The following HDAC9 variants were observed in gnomAD, a reference collection of about 807,000 sequenced individuals.
HDAC9 encodes the protein MEF-2 interacting transcription repressor (MITR) protein.
A neutral mutation model predicts 139.4 loss-of-function variants in HDAC9; 41 were observed. The ratio of observed to expected loss-of-function variants is 0.29; its 90% CI spans 0.23 to 0.38. HDAC9 has a LOEUF of 0.38. Ranked by LOEUF, HDAC9 falls within the 10% of genes least tolerant of loss-of-function variation. The probability of loss-of-function intolerance (pLI) is 1.00; values close to 1 mark genes in which losing one functional copy is unlikely to be tolerated. For synonymous variants in HDAC9, 517 were observed against 476.2 expected, an observed-to-expected ratio of 1.09 and a Z score of -1.12; for missense variants, 1,147 against 1,297.0, an observed-to-expected ratio of 0.88 and a Z score of 1.78.
rs369294240 is a variant in HDAC9 at position 18,098,706 on chromosome 7, G to A, written c.-97+11493G>A. Among the ~76,000 whole-genome samples, 27 of 152,146 alleles carry A rather than the reference G, an allele frequency of 1.8e-4. No individual in the cohort carries two copies. The South Asian group carries it at 4.8e-3, about 27-fold the overall frequency. On this transcript the variant is annotated intron_variant, in intron 1 of 12. Coordinates refer to the HDAC9 transcript ENST00000417496. ...ACCTTTCCCTCATTACCCCAAAGAT[G>A]CATCTCCTCTTTATTCCTTCTATTT...
chr7:18,987,363 T>A (rs1305059132), intron 25 of HDAC9, among the ~76,000 whole-genome samples: 1 of 152,230 alleles, frequency 6.6e-6, no homozygotes, highest in Non-Finnish European at 1.5e-5. Flanking sequence ...ATATGCTGGA[T>A]TACATTTATT....
chr7:18,366,865 C>G (rs1486268405), intron 1 of HDAC9, among the ~76,000 whole-genome samples: 1 of 151,252 alleles, frequency 6.6e-6, no homozygotes, highest in Admixed American at 6.6e-5. Flanking sequence ...GTCACATCTT[C>G]TATATATTGT....
At chr7:18,693,921 A>ATT (rs1782847866) in intron 12 of HDAC9, among the ~76,000 whole-genome samples, 3 of 152,184 alleles carry the variant, frequency 2.0e-5, no homozygotes, top group African/African-American at 7.2e-5. Context: ...TTAAACACAG[A>ATT]TTTAGAGAAT....
At chr7:18,764,785 G>A (rs1175725631) in intron 15 of HDAC9, among the ~76,000 whole-genome samples, 1 of 152,020 alleles carries the variant, frequency 6.6e-6, no homozygotes, top group African/African-American at 2.4e-5. Context: ...AACACATATG[G>A]GAGATGTCTT....
intron 16 of HDAC9, among the ~76,000 whole-genome samples, chr7:18,790,236 A>T (rs1027734657): frequency 6.6e-6 from 1 of 152,214 alleles, no homozygotes; most frequent in African/African-American, 2.4e-5. Context: ...TCTTACTATG[A>T]ACTGAAGAGT....
intron 25 of HDAC9, among the ~76,000 whole-genome samples, chr7:18,994,390 T>G (rs902183642): frequency 6.6e-6 from 1 of 152,220 alleles, no homozygotes; most frequent in African/African-American, 2.4e-5. Context: ...TCTTTCTTCT[T>G]TGAATGCTGA....
At chr7:18,743,995 T>C (rs1787697339) in intron 13 of HDAC9, among the ~76,000 whole-genome samples, 1 of 150,258 alleles carries the variant, frequency 6.7e-6, no homozygotes, top group Non-Finnish European at 1.5e-5. Flanking sequence ...TATTTTTACA[T>C]CTCACTTTTA....
At chr7:18,975,248 G>A (rs1161194150) in intron 24 of HDAC9, among the ~76,000 whole-genome samples, 1 of 152,150 alleles carries the variant, frequency 6.6e-6, no homozygotes, top group Non-Finnish European at 1.5e-5. Flanking sequence ...GTCAATTATT[G>A]TTCTAGTACA....
intron 1 of HDAC9, among the ~76,000 whole-genome samples, chr7:18,293,147 A>T (rs1486083559): frequency 6.6e-6 from 1 of 152,130 alleles, no homozygotes; most frequent in Admixed American, 6.6e-5. Flanking sequence ...TACTTTTGTC[A>T]TCTTGACAGA....
chr7:18,773,022 A>C (rs889661063), intron 16 of HDAC9, among the ~76,000 whole-genome samples: 1 of 152,084 alleles, frequency 6.6e-6, no homozygotes, highest in African/African-American at 2.4e-5. Flanking sequence ...TGTATGGGAC[A>C]AAATGTGAAA....
chr7:18,119,240 A>G (rs1398431908), intron 1 of HDAC9, among the ~76,000 whole-genome samples: 2 of 152,194 alleles, frequency 1.3e-5, no homozygotes, highest in African/African-American at 4.8e-5. Flanking sequence ...TGCATGCTCC[A>G]TGCTATTTCC....
intron 2 of HDAC9, among the ~76,000 whole-genome samples, chr7:18,213,588 A>G (rs1249712757): frequency 2.0e-5 from 3 of 152,166 alleles, no homozygotes; most frequent in Non-Finnish European, 2.9e-5. Flanking sequence ...CTGCAAACGT[A>G]GTCACTGATA....
chr7:18,620,331 T>A (rs1382691766), intron 6 of HDAC9, among the ~76,000 whole-genome samples: 1 of 152,114 alleles, frequency 6.6e-6, no homozygotes, highest in Non-Finnish European at 1.5e-5. Context: ...TAACTTACTA[T>A]TAAAATTTAT....
chr7:18,938,647 A>G (rs2129312703), intron 23 of HDAC9, among the ~76,000 whole-genome samples: 1 of 152,286 alleles, frequency 6.6e-6, no homozygotes, highest in Non-Finnish European at 1.5e-5. Flanking sequence ...AAATATTAAA[A>G]CCACCCTTTT....
chr7:18,740,540 A>G (rs1289640759), intron 13 of HDAC9, among the ~76,000 whole-genome samples: 1 of 152,208 alleles, frequency 6.6e-6, no homozygotes, highest in Admixed American at 6.5e-5. Flanking sequence ...GCATGGCCCC[A>G]TCTTCCTTTC....
intron 1 of HDAC9, among the ~76,000 whole-genome samples, chr7:18,457,299 G>A (rs944062155): frequency 2.0e-5 from 3 of 152,066 alleles, no homozygotes; most frequent in Non-Finnish European, 4.4e-5. Context: ...AACTTATACT[G>A]CCTTACTCTT....
intron 2 of HDAC9, among the ~76,000 whole-genome samples, chr7:18,182,216 T>C (rs532364884): frequency 3.9e-5 from 6 of 152,300 alleles, no homozygotes; most frequent in African/African-American, 9.6e-5. Flanking sequence ...ATTGTGAAGG[T>C]ATATTTTTTC....
At chr7:18,789,308 A>ACACACC in intron 16 of HDAC9, among the ~76,000 whole-genome samples, 1 of 150,838 alleles carries the variant, frequency 6.6e-6, no homozygotes, top group Non-Finnish European at 1.5e-5. Context: ...ACACACACAC[A>ACACACC]CAGTCTCTCT....
chr7:18,625,119 C>G (rs1452561960), intron 6 of HDAC9, among the ~76,000 whole-genome samples: 2 of 152,074 alleles, frequency 1.3e-5, no homozygotes, highest in Non-Finnish European at 2.9e-5. Context: ...ACTCCACCAA[C>G]TAATGATAAA....
Sources: gnomAD v4.1 joint callset for allele counts (sites outside exome capture counted in the v4.1 genomes callset) on GRCh38, gnomAD v4.1.1 for gene constraint, MANE v1.5 for transcripts, NCBI Gene and HGNC (gene_info 2026-07-23, HGNC 2026-07-21) for gene names.